The following UBXN2B variants were observed in gnomAD, a reference collection of about 807,000 sequenced individuals.
UBXN2B encodes UBX domain protein 2B.
UBXN2B carries 19 observed loss-of-function variants against 37.5 expected under a neutral mutation model. That is an observed-to-expected ratio of 0.51 (90% CI 0.35 to 0.74). UBXN2B has a LOEUF of 0.74. Among genes scored for constraint, UBXN2B ranks in the 30% least tolerant of loss-of-function variants. The pLI, the probability that UBXN2B is intolerant of heterozygous loss-of-function variation, is 0.01. For synonymous variants in UBXN2B, 145 were observed against 143.8 expected (o/e 1.01, Z -0.06); for missense variants, 370 against 393.2 (o/e 0.94, Z 0.50).
intron 5 of UBXN2B, among the ~76,000 whole-genome samples, chr8:58,436,849 T>A (rs1808424355): frequency 6.6e-6 from 1 of 152,218 alleles, no homozygotes; most frequent in Non-Finnish European, 1.5e-5. Flanking sequence ...ATGCTACTTG[T>A]ACAGCCTGCA....
At chr8:58,425,541 ATTTTTG>A in intron 2 of UBXN2B, 1 of 1,079,028 alleles carries the variant, frequency 9.3e-7, no homozygotes, top group Non-Finnish European at 1.4e-6. Context: ...TTTTATATCT[ATTTTTG>A]TTTTTGTTTT....
chr8:58,430,194 T>C (rs545971279), intron 2 of UBXN2B, among the ~76,000 whole-genome samples: 4 of 152,328 alleles, frequency 2.6e-5, no homozygotes, highest in Admixed American at 1.3e-4. Flanking sequence ...CTTTTCCTTC[T>C]ACATCAGAAG....
At chr8:58,434,221 A>G (rs545450981) in intron 4 of UBXN2B, among the ~76,000 whole-genome samples, 174 bp from the exon 5 acceptor site, 5 of 152,274 alleles carry the variant, frequency 3.3e-5, no homozygotes, top group African/African-American at 1.2e-4. Flanking sequence ...TGGTTTCATT[A>G]ATGTCTTTCA....
chr8:58,430,580 A>G lies in UBXN2B; in HGVS notation c.250A>G (p.Ile84Val), dbSNP rs1355727182. The change falls in exon 3 of 8, where the codon ATT becomes GTT. Residue 84 changes from isoleucine to valine, a missense_variant. Around this residue, in one of 3 missense-constraint regions of UBXN2B, gnomAD observed 197 missense variants for 170.2 expected, o/e 1.16. Transcript: ENST00000399598. ...TATAGTTCGACCTTCAACTGGGAAAATTGTGAATGAACTTTTCAAAGAGGC... is the reference window on the plus strand; with the variant it reads ...TATAGTTCGACCTTCAACTGGGAAAGTTGTGAATGAACTTTTCAAAGAGGC... ...LNIVRPSTGKIVNELFKEARE... is the reference protein window; with the variant it reads ...LNIVRPSTGKVVNELFKEARE... The G allele has an allele frequency of 6.2e-7, 1 of 1,607,018 alleles. No homozygotes were observed. Among genetic ancestry groups the G allele is most frequent in the South Asian group, 1.1e-5 (1 of 90,162 alleles).
chr8:58,438,500 A>G (rs1808470385), intron 5 of UBXN2B, among the ~76,000 whole-genome samples: 1 of 152,172 alleles, frequency 6.6e-6, no homozygotes, highest in Admixed American at 6.5e-5. Context: ...GGCATCAAGG[A>G]TTATTTTGGA....
intron 5 of UBXN2B, chr8:58,434,858 G>T: frequency 6.5e-7 from 1 of 1,535,532 alleles, no homozygotes; most frequent in Non-Finnish European, 8.7e-7. Flanking sequence ...CTGTTGACAG[G>T]GTGACTCTCA....
At chr8:58,431,673 A>G (rs141269370) in intron 3 of UBXN2B, among the ~76,000 whole-genome samples, 93 of 152,332 alleles carry the variant, frequency 6.1e-4, no homozygotes, top group African/African-American at 2.0e-3. Context: ...GCCATTTTAT[A>G]TTCCCACATA....
At chr8:58,433,295 A>G (rs762691921) in intron 4 of UBXN2B, 52 bp downstream of exon 4, 4 of 1,437,194 alleles carry the variant, frequency 2.8e-6, no homozygotes, top group East Asian at 2.3e-5. Flanking sequence ...TCTAGTTACT[A>G]AAACTGTTGG....
chr8:58,445,280 T>C (rs569140394), intron 6 of UBXN2B, among the ~76,000 whole-genome samples: 3 of 152,328 alleles, frequency 2.0e-5, no homozygotes, highest in African/African-American at 7.2e-5. Flanking sequence ...TATGAATTTA[T>C]TGTCATGTAA....
At chr8:58,443,664 C>T (rs932458052) in intron 6 of UBXN2B, among the ~76,000 whole-genome samples, 51 of 150,528 alleles carry the variant, frequency 3.4e-4, no homozygotes, top group African/African-American at 1.2e-3. Flanking sequence ...AAAAATTAGC[C>T]GCATGTGGTG....
rs1310973725 is a variant in UBXN2B at position 58,438,013 on chromosome 8, A to G, written c.534-1620A>G. Among the ~76,000 whole-genome samples, 3 of 145,214 alleles carry G rather than the reference A, an allele frequency of 2.1e-5. No homozygotes were observed. In the Admixed American group the frequency reaches 2.2e-4, roughly 10 times the overall value. ...GGAGAAAAGTGTAGTTTTGGAGGCCAAACTTGGGGCCCAGCTGCCCTGTGC... is the reference window on the plus strand; with the variant it reads ...GGAGAAAAGTGTAGTTTTGGAGGCCGAACTTGGGGCCCAGCTGCCCTGTGC... On this transcript the variant is annotated intron_variant, in intron 5 of 7. Coordinates refer to ENST00000399598, the MANE Select transcript of UBXN2B (RefSeq NM_001077619.2).
intron 5 of UBXN2B, 51 bp from the exon 6 acceptor site, chr8:58,439,582 G>A: frequency 6.4e-7 from 1 of 1,574,402 alleles, no homozygotes; most frequent in Non-Finnish European, 8.6e-7. Context: ...CAACAGTGTA[G>A]TTTAATTCTT....
In UBXN2B at chr8:58,450,249, T is replaced by C. The variant is rs1370577756; in HGVS notation, c.*2698T>C. On this transcript the variant is annotated 3_prime_UTR_variant, in exon 8 of 8. Coordinates refer to ENST00000399598, the MANE Select transcript of UBXN2B (RefSeq NM_001077619.2). ...TTCTTTATATTTAACAGGTCTTCCC[T>C]CAATCTACCTCTTTCCACATTTTAC... 1 of 152,220 alleles carries C rather than the reference T, an allele frequency of 6.6e-6. No homozygotes were observed. Among genetic ancestry groups the C allele is most frequent in the Non-Finnish European group, 1.5e-5 (1 of 68,030 alleles). The allele number at this position is 152,220 out of a possible 1,614,324, so 9.4% of individuals were successfully genotyped here. A position where few individuals can be genotyped will look rare whatever the true frequency, so the allele number is the denominator to read the frequency against.
intron 1 of UBXN2B, among the ~76,000 whole-genome samples, chr8:58,415,419 G>A (rs1807750156): frequency 6.6e-6 from 1 of 151,938 alleles, no homozygotes; most frequent in Non-Finnish European, 1.5e-5. Context: ...GACTGTGTAT[G>A]TGCATGTCTG....
chr8:58,439,712 T>C lies in UBXN2B; in HGVS notation c.613T>C (p.Tyr205His). 2.5e-6 allele frequency: 4 copies of C among 1,612,508 alleles called. No homozygotes were observed. The highest frequency in any genetic ancestry group is 2.2e-5 in the South Asian group (2 of 90,756). ...LDMEDHQDQE[Y>H]IKPRLRFKAF... The stretch of plus-strand genomic sequence containing the variant: ...TATGGAGGATCATCAGGATCAAGAA[T>C]ACATAAAACCTAGATTGAGGTTCAA... The change falls in exon 6 of 8, where the codon TAC becomes CAC. Residue 205 changes from tyrosine (Y) to histidine (H), a missense_variant. Coordinates refer to ENST00000399598, the MANE Select transcript of UBXN2B (RefSeq NM_001077619.2).
chr8:58,426,456 C>T, intron 2 of UBXN2B: 10 of 670,706 alleles, frequency 1.5e-5, no homozygotes, highest in Non-Finnish European at 2.5e-5. Context: ...GATCCGCCCT[C>T]CTCAGCCTCC....
rs776891147 is a variant in UBXN2B at position 58,434,438 on chromosome 8, A to T, written c.467A>T (p.Asp156Val). The change falls in exon 5 of 8, where the codon GAT becomes GTT. Residue 156 changes from aspartate to valine, a missense_variant. Transcript: ENST00000399598. ...CTGTGGAGCAATGGTTTCAGTTTAG[A>T]TGATGGAGAATTGAGACCTTACAAT... ...LKLWSNGFSL[D>V]DGELRPYNEP... 2 of 1,543,846 alleles carry T rather than the reference A, an allele frequency of 1.3e-6. No individual in the cohort carries two copies. The highest frequency in any genetic ancestry group is 1.3e-5 in the South Asian group (1 of 78,164).
Position 58,425,386 on chromosome 8 carries a change from G to T in UBXN2B, c.189-5133G>T, listed in dbSNP as rs1476670402. On this transcript the variant is annotated intron_variant, in intron 2 of 7. Coordinates refer to ENST00000399598, the MANE Select transcript of UBXN2B (RefSeq NM_001077619.2). ...CATGTTTTGCAGGCAGCCTTGTGTG[G>T]CAATGTAACTCTTCTTGGGCTTTGA... The T allele has an allele frequency of 3.5e-6, 4 of 1,129,778 alleles. No homozygotes were observed. In the African/African-American group the frequency reaches 6.1e-5, roughly 17 times the overall value. The allele number at this position is 1,129,778 out of a possible 1,614,324, so 70.0% of individuals were successfully genotyped here.
chr8:58,441,569 C>A (rs148322409), intron 6 of UBXN2B, among the ~76,000 whole-genome samples: 1 of 151,694 alleles, frequency 6.6e-6, no homozygotes, highest in Non-Finnish European at 1.5e-5. Flanking sequence ...AATGTTGGAC[C>A]GCACATCCTT....
Sources: allele counts gnomAD v4.1 joint callset (sites outside exome capture counted in the v4.1 genomes callset), GRCh38; gene constraint gnomAD v4.1.1; regional missense constraint gnomAD v4.1.1; transcripts MANE v1.5; gene names NCBI Gene and HGNC (gene_info 2026-07-23, HGNC 2026-07-21).